Variants in PPIP5K2 observed in about 807,000 individuals in gnomAD.
The protein encoded by PPIP5K2 is diphosphoinositol pentakisphosphate kinase 2.
PPIP5K2 carries 105 observed loss-of-function variants against 154.6 expected under a neutral mutation model. The observed-to-expected ratio is 0.68, with a 90% CI of 0.58 to 0.80. The LOEUF is 0.80. PPIP5K2 is among the 30% of genes least tolerant of loss of function. The pLI, the probability that PPIP5K2 is intolerant of heterozygous loss-of-function variation, is 0.00. For missense variants in PPIP5K2, 992 were observed against 1,504.6 expected (o/e 0.66, Z 5.64); for synonymous variants, 480 against 490.3 (o/e 0.98, Z 0.28).
At chr5:103,171,391 A>G (rs913926975) in intron 19 of PPIP5K2, among the ~76,000 whole-genome samples, 8 of 151,578 alleles carry the variant, frequency 5.3e-5, no homozygotes, top group Admixed American at 4.0e-4. Context: ...TGAAATGCAG[A>G]CAGTTCTTTA....
Position 103,177,744 on chromosome 5 carries a change from T to A in PPIP5K2, c.2607T>A (p.Ile869=), listed in dbSNP as rs1554221449. The A allele has an allele frequency of 6.2e-7, 1 of 1,611,890 alleles. No homozygotes were observed. The highest frequency in any genetic ancestry group is 8.5e-7 in the Non-Finnish European group (1 of 1,178,720). ...ATGAGCTCAACTACATGACTCAGAT[T>A]GTTATCATGCTTTATGAGGATCCTA... is the stretch of plus-strand genomic sequence containing the variant. The part of the protein sequence containing the change: ...VVNELNYMTQ[I]VIMLYEDPNK... Residue 869 remains isoleucine (I), a synonymous_variant, in exon 22 of 31, where the codon ATT becomes ATA. Transcript: ENST00000358359.
At chr5:103,150,949 T>C (rs1554211096) in intron 8 of PPIP5K2, among the ~76,000 whole-genome samples, 1 of 150,820 alleles carries the variant, frequency 6.6e-6, no homozygotes, top group Non-Finnish European at 1.5e-5. Context: ...TTAAATTAAA[T>C]GTTAATTGAA....
chr5:103,201,708 G>C lies in PPIP5K2; in HGVS notation c.*74G>C. 9.5e-7 allele frequency: 1 copy of C among 1,051,030 alleles called. No homozygotes were observed. The highest frequency in any genetic ancestry group is 1.4e-6 in the Non-Finnish European group (1 of 728,638). 65.1% of individuals were successfully genotyped at this position (1,051,030 alleles called of 1,614,324 possible). A position where few individuals can be genotyped will look rare whatever the true frequency, so the allele number is the denominator to read the frequency against. On this transcript the variant is annotated 3_prime_UTR_variant, in exon 31 of 31. Transcript: ENST00000358359. ...CTTATGTTTCTCCTTATGCATTTAT[G>C]TGTTCACTTAAAAATGTTTTTAAAT... is the stretch of plus-strand genomic sequence containing the variant.
chr5:103,190,449 G>A (rs1191273792), intron 28 of PPIP5K2, among the ~76,000 whole-genome samples: 1 of 151,936 alleles, frequency 6.6e-6, no homozygotes, highest in African/African-American at 2.4e-5. Flanking sequence ...CTTACTGTTA[G>A]CGTCCTGGCA....
chr5:103,141,905 C>T (rs1792754386), intron 5 of PPIP5K2, among the ~76,000 whole-genome samples: 2 of 152,220 alleles, frequency 1.3e-5, no homozygotes, highest in African/African-American at 4.8e-5. Flanking sequence ...GGTGTATTTA[C>T]AATCCCTGAG....
chr5:103,177,173 T>C (rs1798853656), intron 21 of PPIP5K2, among the ~76,000 whole-genome samples: 1 of 151,974 alleles, frequency 6.6e-6, no homozygotes, highest in African/African-American at 2.4e-5. Context: ...AAATTATTTA[T>C]TTTTCATTTT....
chr5:103,186,413 A>G lies in PPIP5K2; in HGVS notation c.3263A>G (p.Lys1088Arg). 1 of 1,613,954 alleles carries G rather than the reference A, an allele frequency of 6.2e-7. No homozygotes were observed. The highest frequency in any genetic ancestry group is 8.5e-7 in the Non-Finnish European group (1 of 1,179,864). The change falls in exon 27 of 31, where the codon AAG becomes AGG. Residue 1088 changes from lysine to arginine, a missense_variant. This residue lies in a region of PPIP5K2 where 204 missense variants were observed against 224.0 expected (regional missense o/e 0.91). Coordinates refer to ENST00000358359, the MANE Select transcript of PPIP5K2 (RefSeq NM_001276277.3). ...LQDYARTHRKKLTSSGCIDDA... is the reference protein window; with the variant it reads ...LQDYARTHRKRLTSSGCIDDA... ...GATTATGCTCGTACTCATCGTAAAAAGCTGACCTCTTCTGGCTGCATAGAT... is the reference window on the plus strand; with the variant it reads ...GATTATGCTCGTACTCATCGTAAAAGGCTGACCTCTTCTGGCTGCATAGAT...
chr5:103,186,999 C>T (rs1226964379), intron 27 of PPIP5K2, among the ~76,000 whole-genome samples: 3 of 152,130 alleles, frequency 2.0e-5, no homozygotes, highest in Non-Finnish European at 4.4e-5. Flanking sequence ...GTGGCTCTAG[C>T]TCTTTCAGGA....
At chr5:103,176,485 A>G (rs1013428212) in intron 21 of PPIP5K2, among the ~76,000 whole-genome samples, 12 of 152,018 alleles carry the variant, frequency 7.9e-5, no homozygotes. Context: ...GCGCACACAC[A>G]CACACGGAAT....
At chr5:103,163,196 A>C (rs1022363196) in intron 17 of PPIP5K2, among the ~76,000 whole-genome samples, 1 of 151,110 alleles carries the variant, frequency 6.6e-6, no homozygotes, top group African/African-American at 2.4e-5. Flanking sequence ...AGTTTGTGCA[A>C]ATTTACATTT....
chr5:103,161,756 G>C (rs1294934542), intron 17 of PPIP5K2, among the ~76,000 whole-genome samples: 1 of 152,182 alleles, frequency 6.6e-6, no homozygotes, highest in Admixed American at 6.5e-5. Context: ...GTCTTCTTTT[G>C]AGAAGTGTCT....
chr5:103,195,348 A>G (rs1449595957), intron 30 of PPIP5K2, among the ~76,000 whole-genome samples: 1 of 152,104 alleles, frequency 6.6e-6, no homozygotes, highest in Non-Finnish European at 1.5e-5. Context: ...GGCCAGGCAT[A>G]GTGGTGCCCA....
chr5:103,137,184 A>G (rs1190931018), intron 4 of PPIP5K2, among the ~76,000 whole-genome samples: 4 of 133,646 alleles, frequency 3.0e-5, no homozygotes, highest in African/African-American at 1.2e-4. Context: ...TTTTTTTGAG[A>G]TGGAGTCTGG....
In PPIP5K2 at chr5:103,180,074, T is replaced by A. The variant is rs373840735; in HGVS notation, c.2808T>A (p.Ser936=). 8.1e-6 allele frequency: 13 copies of A among 1,601,430 alleles called. No individual in the cohort carries two copies. The highest frequency in any genetic ancestry group is 1.0e-5 in the Non-Finnish European group (12 of 1,174,812). ...ATAATGATGATGAACCACATACTTC[T>A]AAAAGAGATGAAGTTGATCGAGCTG... ...KIDNDDEPHT[S]KRDEVDRAVI... is the part of the protein sequence containing the mutation. The change falls in exon 24 of 31, where the codon TCT becomes TCA. Residue 936 remains serine (S), a synonymous_variant. Transcript: ENST00000358359.
intron 3 of PPIP5K2, 43 bp from the exon 4 acceptor site, chr5:103,136,689 A>C (rs1554204362): frequency 1.3e-6 from 2 of 1,482,732 alleles, no homozygotes; most frequent in South Asian, 1.1e-5. Flanking sequence ...ATAGATGCTT[A>C]TCTTGAGATA....
chr5:103,124,764 T>C (rs1312673831), intron 1 of PPIP5K2, among the ~76,000 whole-genome samples: 1 of 152,194 alleles, frequency 6.6e-6, no homozygotes, highest in Non-Finnish European at 1.5e-5. Flanking sequence ...GGCCAGGGTA[T>C]AACAGCTGCC....
intron 10 of PPIP5K2, among the ~76,000 whole-genome samples, chr5:103,153,645 C>G (rs1450410291): frequency 6.6e-6 from 1 of 151,816 alleles, no homozygotes; most frequent in Non-Finnish European, 1.5e-5. Context: ...AATATCACCT[C>G]CCTCCCCCAG....
chr5:103,183,443 C>T, intron 25 of PPIP5K2, 36 bp downstream of exon 25: 1 of 1,555,612 alleles, frequency 6.4e-7, no homozygotes, highest in East Asian at 2.4e-5. Flanking sequence ...ATTTTTCCTC[C>T]CTGCATTCAG....
chr5:103,184,718 T>A lies in PPIP5K2; in HGVS notation c.3143T>A (p.Val1048Glu), dbSNP rs1800089152. ...TACCTGAGAACACCAAGAACTCTTGTGGAACAGAAGCAGAATCCTACTGTA... is the reference window on the plus strand; with the variant it reads ...TACCTGAGAACACCAAGAACTCTTGAGGAACAGAAGCAGAATCCTACTGTA... The part of the protein sequence containing the change: ...ANYLRTPRTL[V>E]EQKQNPTVGS... The change falls in exon 26 of 31, where the codon GTG (valine) becomes GAG (glutamate). Residue 1048 changes from valine (V) to glutamate (E), a missense_variant. This residue lies in a region of PPIP5K2 where 204 missense variants were observed against 224.0 expected (regional missense o/e 0.91). Transcript: ENST00000358359. 6.2e-7 allele frequency: 1 copy of A among 1,612,818 alleles called. No individual in the cohort carries two copies. The highest frequency in any genetic ancestry group is 8.5e-7 in the Non-Finnish European group (1 of 1,179,018).
Sources: gnomAD v4.1 joint callset for allele counts (sites outside exome capture counted in the v4.1 genomes callset) on GRCh38, gnomAD v4.1.1 for gene constraint, gnomAD v4.1.1 regional missense constraint, MANE v1.5 for transcripts, NCBI Gene and HGNC (gene_info 2026-07-23, HGNC 2026-07-21) for gene names.